Variants in SCAPER observed in about 807,000 individuals in gnomAD.
The protein encoded by SCAPER is S-phase cyclin A associated protein in the ER, also known as S phase cyclin A-associated protein in the endoplasmic reticulum.
In SCAPER, 98 loss-of-function variants were observed where a neutral mutation model predicts 182.2. The observed-to-expected ratio is 0.54, with a 90% CI of 0.46 to 0.64. The LOEUF (loss-of-function observed/expected upper bound fraction) is 0.64, where lower values mean the gene tolerates loss of function less well. SCAPER is among the 30% of genes least tolerant of loss of function. The probability of loss-of-function intolerance (pLI) is 0.00; values close to 1 mark genes in which losing one functional copy is unlikely to be tolerated. For synonymous variants in SCAPER, 605 were observed against 564.6 expected, an observed-to-expected ratio of 1.07 and a Z score of -1.01; for missense variants, 1,432 against 1,690.0, an observed-to-expected ratio of 0.85 and a Z score of 2.68.
At chr15:76,460,975 C>T (rs1010152294) in intron 25 of SCAPER, among the ~76,000 whole-genome samples, 2 of 152,094 alleles carry the variant, frequency 1.3e-5, no homozygotes, top group Non-Finnish European at 2.9e-5. Context: ...TGCCAGTTTC[C>T]CCACTAACAT....
chr15:76,514,132 C>T (rs146266045), intron 23 of SCAPER, among the ~76,000 whole-genome samples: 52 of 152,258 alleles, frequency 3.4e-4, no homozygotes, highest in African/African-American at 1.2e-3. Context: ...GGTGAATTCC[C>T]GTTTACCCCT....
intron 2 of SCAPER, among the ~76,000 whole-genome samples, chr15:76,869,644 T>C (rs150102041): frequency 5.3e-5 from 8 of 152,222 alleles, no homozygotes; most frequent in African/African-American, 1.9e-4. Flanking sequence ...GCACCCTAAG[T>C]ACACTGTTGG....
chr15:76,537,038 C>T (rs28391786), intron 23 of SCAPER, among the ~76,000 whole-genome samples: 1 of 152,148 alleles, frequency 6.6e-6, no homozygotes, highest in Non-Finnish European at 1.5e-5. Flanking sequence ...TCAAGGAGAA[C>T]TGCAAACCAT....
intron 24 of SCAPER, among the ~76,000 whole-genome samples, chr15:76,480,430 G>A (rs963311972): frequency 1.3e-5 from 2 of 152,196 alleles, no homozygotes; most frequent in Non-Finnish European, 2.9e-5. Flanking sequence ...AGAATGAGAC[G>A]TAATCTAGGC....
intron 23 of SCAPER, among the ~76,000 whole-genome samples, chr15:76,512,999 C>A (rs1385492188): frequency 2.0e-5 from 3 of 152,214 alleles, no homozygotes; most frequent in Admixed American, 6.5e-5. Context: ...CCTCGGGACT[C>A]TCTTCCATGG....
intron 21 of SCAPER, among the ~76,000 whole-genome samples, chr15:76,628,084 T>C (rs773897477): frequency 1.4e-4 from 22 of 152,360 alleles, no homozygotes; most frequent in Admixed American, 3.9e-4. Flanking sequence ...CGCATGAATG[T>C]CTTCTTTTGA....
At position 76,358,033 on chromosome 15, in the gene SCAPER, T is replaced by C. The variant is rs529603470; in HGVS notation, c.3856-3893A>G. 1.2e-4 allele frequency among the ~76,000 whole-genome samples: 18 copies of C among 152,350 alleles called. 1 individual carries two copies. In the South Asian group the frequency reaches 3.7e-3, roughly 32 times the overall value. ...TGTTACACTAAAAGCCCAGACTTCA[T>C]CACTATTCAATATGTCCATGTAACA... On this transcript the variant is annotated intron_variant, in intron 29 of 31. Coordinates refer to ENST00000563290, the MANE Select transcript of SCAPER (RefSeq NM_020843.4).
At chr15:76,627,348 T>C (rs1447702690) in intron 21 of SCAPER, among the ~76,000 whole-genome samples, 1 of 152,084 alleles carries the variant, frequency 6.6e-6, no homozygotes, top group Non-Finnish European at 1.5e-5. Flanking sequence ...AGTAAATCCA[T>C]GAATCTTTTT....
At chr15:76,685,586 T>C (rs2057994811) in intron 20 of SCAPER, among the ~76,000 whole-genome samples, 2 of 152,096 alleles carry the variant, frequency 1.3e-5, no homozygotes, top group African/African-American at 4.8e-5. Flanking sequence ...CTAATTGAAA[T>C]GTAATAATAT....
At chr15:76,870,364 CTTATG>C (rs1317726452) in intron 2 of SCAPER, among the ~76,000 whole-genome samples, 2 of 151,520 alleles carry the variant, frequency 1.3e-5, no homozygotes, top group Non-Finnish European at 2.9e-5. Flanking sequence ...ATGTACATCT[CTTATG>C]CAGCAATAAA....
rs1319536858 is a variant in SCAPER, at chr15:76,595,634, C to A, written c.2712-21350G>T. 2.5e-5 allele frequency among the ~76,000 whole-genome samples: 3 copies of A among 122,080 alleles called. 1 individual carries two copies. The East Asian group carries it at 6.5e-4, about 27-fold the overall frequency. 80.1% of individuals were successfully genotyped at this position (122,080 alleles called of 152,430 possible). A position where few individuals can be genotyped will look rare whatever the true frequency, so the allele number is the denominator to read the frequency against. On this transcript the variant is annotated intron_variant, in intron 22 of 31. Transcript: ENST00000563290. ...ACAGTCTCTCAGACCACAGCACAAC[C>A]AAATTAGAACTCAGGATTAAGAAAC...
chr15:76,607,905 G>C (rs1349796438), intron 22 of SCAPER, among the ~76,000 whole-genome samples: 3 of 152,028 alleles, frequency 2.0e-5, no homozygotes, highest in Non-Finnish European at 4.4e-5. Flanking sequence ...GGTTATTCTG[G>C]TTATCCATTC....
chr15:76,777,402 C>T lies in SCAPER; in HGVS notation c.773-2285G>A, dbSNP rs146310459. ...TTCCCAAAAGAGAAATGAAATTTAA[C>T]GAAAGAAGGTTTGAGGCCAGGGGTG... On this transcript the variant is annotated intron_variant, in intron 8 of 31. Transcript: ENST00000563290. Among the ~76,000 whole-genome samples, 16 of 152,178 alleles carry T rather than the reference C, an allele frequency of 1.1e-4. No homozygotes were observed. The East Asian group carries it at 2.7e-3, about 26-fold the overall frequency.
At chr15:76,803,416 G>A (rs954801039) in intron 6 of SCAPER, among the ~76,000 whole-genome samples, 1 of 152,158 alleles carries the variant, frequency 6.6e-6, no homozygotes, top group Non-Finnish European at 1.5e-5. Context: ...TTCTTATACT[G>A]ACAGAGAAAG....
chr15:76,553,295 C>G (rs2045929585), intron 23 of SCAPER, among the ~76,000 whole-genome samples: 1 of 152,234 alleles, frequency 6.6e-6, no homozygotes, highest in Non-Finnish European at 1.5e-5. Flanking sequence ...CCTGTGCCAA[C>G]TGAGTGTGTA....
chr15:76,886,212 G>C (rs771845595), intron 1 of SCAPER, among the ~76,000 whole-genome samples: 9 of 152,216 alleles, frequency 5.9e-5, no homozygotes, highest in African/African-American at 1.9e-4. Flanking sequence ...GGGCACAGTG[G>C]CTCACGCCTG....
intron 23 of SCAPER, among the ~76,000 whole-genome samples, chr15:76,572,988 C>T (rs974473740): frequency 1.3e-5 from 2 of 150,586 alleles, no homozygotes; most frequent in Non-Finnish European, 2.9e-5. Context: ...ATTGTATTAA[C>T]ACAATGAAGG....
chr15:76,488,205 C>CT (rs920223851), intron 24 of SCAPER, among the ~76,000 whole-genome samples: 1 of 152,058 alleles, frequency 6.6e-6, no homozygotes, highest in African/African-American at 2.4e-5. Flanking sequence ...AAATTCTAGA[C>CT]TAAGGGATTT....
intron 5 of SCAPER, among the ~76,000 whole-genome samples, chr15:76,838,299 A>G (rs1339712882): frequency 6.6e-6 from 1 of 152,220 alleles, no homozygotes; most frequent in Non-Finnish European, 1.5e-5. Flanking sequence ...CTAATGCAGT[A>G]ATAGAAAACC....
Sources: gnomAD v4.1 joint callset for allele counts (sites outside exome capture counted in the v4.1 genomes callset) on GRCh38, gnomAD v4.1.1 for gene constraint, MANE v1.5 for transcripts, NCBI Gene and HGNC (gene_info 2026-07-23, HGNC 2026-07-21) for gene names.